Variants in HLCS observed in about 807,000 individuals in gnomAD.
The protein encoded by HLCS is biotin--protein ligase.
A neutral mutation model predicts 75.0 loss-of-function variants in HLCS; 53 were observed. That is an observed-to-expected ratio of 0.71 (90% CI 0.57 to 0.89). HLCS has a LOEUF of 0.89. Ranked by LOEUF, HLCS falls within the 40% of genes least tolerant of loss-of-function variation. The pLI, the probability that HLCS is intolerant of heterozygous loss-of-function variation, is 0.00. For missense variants in HLCS, 966 were observed against 1,074.0 expected, an observed-to-expected ratio of 0.90 and a Z score of 1.41; for synonymous variants, 431 against 428.6, an observed-to-expected ratio of 1.01 and a Z score of -0.07.
intron 5 of HLCS, among the ~76,000 whole-genome samples, chr21:36,929,925 G>A (rs2073424): frequency 0.55 from 84,115 of 152,068 alleles, 23,574 homozygotes; most frequent in East Asian, 0.64. Flanking sequence ...AGTGGCTCAA[G>A]TCAAAACAAA....
At chr21:36,947,140 A>G (rs1337624722) in intron 2 of HLCS, among the ~76,000 whole-genome samples, 1 of 152,212 alleles carries the variant, frequency 6.6e-6, no homozygotes, top group African/African-American at 2.4e-5. Context: ...ATTTAGCTGT[A>G]AAAACATTGA....
chr21:36,885,879 A>G (rs912347631), intron 6 of HLCS, among the ~76,000 whole-genome samples: 1 of 152,158 alleles, frequency 6.6e-6, no homozygotes, highest in African/African-American at 2.4e-5. Flanking sequence ...CATGACACAG[A>G]TAAGGAAATA....
intron 6 of HLCS, among the ~76,000 whole-genome samples, chr21:36,787,932 A>G (rs369133317): frequency 3.3e-5 from 5 of 152,142 alleles, no homozygotes; most frequent in African/African-American, 9.7e-5. Flanking sequence ...CAGGGCTGCC[A>G]GGGCTTTCTG....
chr21:36,981,188 T>C (rs990777527), intron 1 of HLCS, among the ~76,000 whole-genome samples: 1 of 152,128 alleles, frequency 6.6e-6, no homozygotes. Flanking sequence ...CCTGGCAAAA[T>C]AATGAAGTTG....
At chr21:36,900,398 G>C (rs762270775) in intron 5 of HLCS, among the ~76,000 whole-genome samples, 1 of 152,136 alleles carries the variant, frequency 6.6e-6, no homozygotes, top group Admixed American at 6.5e-5. Context: ...GAAAGAGCCT[G>C]ATCAGGGCAC....
At chr21:36,902,142 G>A (rs1038774818) in intron 5 of HLCS, among the ~76,000 whole-genome samples, 2 of 152,106 alleles carry the variant, frequency 1.3e-5, no homozygotes, top group African/African-American at 4.8e-5. Context: ...AAGTCAGATG[G>A]GAGTAGTGAA....
chr21:36,834,847 C>T (rs2062352665), intron 6 of HLCS, among the ~76,000 whole-genome samples: 4 of 152,244 alleles, frequency 2.6e-5, no homozygotes, highest in Admixed American at 2.6e-4. Context: ...AGCCACCACA[C>T]CTGGCCCCAG....
In HLCS at chr21:36,938,845, G is replaced by A. The variant is rs560731563; in HGVS notation, c.480C>T (p.Pro160=). The change falls in exon 3 of 11, where the codon CCC becomes CCT. Residue 160 remains proline (P), a synonymous_variant. Coordinates refer to ENST00000674895, the MANE Select transcript of HLCS (RefSeq NM_001352514.2). ...DRLHMDNGLV[P]QKIVSVHLQD... ...AAAGTTACTTACACACAATCTTTTG[G>A]GGTACCAGTCCATTATCCATGTGGA... 1 of 1,613,948 alleles carries A rather than the reference G, an allele frequency of 6.2e-7. No homozygotes were observed. Among genetic ancestry groups the A allele is most frequent in the South Asian group, 1.1e-5 (1 of 91,076 alleles).
chr21:36,889,573 AG>A (rs1344080938), intron 6 of HLCS, among the ~76,000 whole-genome samples: 1 of 152,174 alleles, frequency 6.6e-6, no homozygotes, highest in Non-Finnish European at 1.5e-5. Flanking sequence ...GAACTCTGGG[AG>A]GGGCTTTTCC....
intron 4 of HLCS, among the ~76,000 whole-genome samples, chr21:36,934,318 T>C (rs1482443443): frequency 1.3e-5 from 2 of 152,190 alleles, no homozygotes; most frequent in Non-Finnish European, 2.9e-5. Flanking sequence ...GGGATGCTAT[T>C]CCGCAGCCGA....
chr21:36,774,191 G>T (rs540632579), intron 6 of HLCS, among the ~76,000 whole-genome samples: 1 of 152,176 alleles, frequency 6.6e-6, no homozygotes, highest in African/African-American at 2.4e-5. Flanking sequence ...TGGCGGCAGG[G>T]TCCACGGCAC....
rs188653173 is a variant in HLCS, at chr21:36,902,533, C to T, written c.1621-5402G>A. 2.1e-4 allele frequency among the ~76,000 whole-genome samples: 32 copies of T among 152,356 alleles called. No individual in the cohort carries two copies. In the East Asian group the frequency reaches 5.4e-3, roughly 26 times the overall value. ...ACAGCCTGGTAACTGAAATTCGCTG[C>T]TCCCACCCTGCTCCACAGCTGCAGG... is the stretch of plus-strand genomic sequence containing the variant. On this transcript the variant is annotated intron_variant, in intron 5 of 10. Coordinates refer to ENST00000674895, the MANE Select transcript of HLCS (RefSeq NM_001352514.2).
intron 1 of HLCS, among the ~76,000 whole-genome samples, chr21:36,964,692 G>A (rs1334558031): frequency 6.6e-6 from 1 of 152,200 alleles, no homozygotes; most frequent in Non-Finnish European, 1.5e-5. Flanking sequence ...GGCCTGCACA[G>A]GTAGGCAAGG....
intron 6 of HLCS, among the ~76,000 whole-genome samples, chr21:36,788,717 T>C (rs115304645): frequency 0.017 from 2,606 of 152,290 alleles, 62 homozygotes; most frequent in African/African-American, 0.059. Context: ...ATCCTGAAGT[T>C]ATAAAAACTC....
intron 1 of HLCS, among the ~76,000 whole-genome samples, chr21:36,985,467 T>C (rs2146748616): frequency 6.6e-6 from 1 of 152,046 alleles, no homozygotes; most frequent in Middle Eastern, 3.4e-3. Context: ...ACCCCGTCTC[T>C]ACTAAAAATA....
At chr21:36,984,618 T>C (rs1005610312) in intron 1 of HLCS, among the ~76,000 whole-genome samples, 3 of 152,130 alleles carry the variant, frequency 2.0e-5, no homozygotes, top group African/African-American at 7.2e-5. Flanking sequence ...TGTGTACACA[T>C]GGACACAGAG....
chr21:36,864,997 G>C (rs2063506237), intron 6 of HLCS, among the ~76,000 whole-genome samples: 1 of 151,800 alleles, frequency 6.6e-6, no homozygotes, highest in Admixed American at 6.6e-5. Flanking sequence ...TTTGCTTTCT[G>C]ACACCAATAT....
intron 5 of HLCS, among the ~76,000 whole-genome samples, chr21:36,916,508 T>C (rs1033798728): frequency 1.3e-4 from 20 of 149,374 alleles, no homozygotes; most frequent in Non-Finnish European, 2.1e-4. Context: ...CACACCATCA[T>C]GCCTAGCTAA....
chr21:36,773,148 A>G, intron 6 of HLCS, among the ~76,000 whole-genome samples: 1 of 152,182 alleles, frequency 6.6e-6, no homozygotes, highest in African/African-American at 2.4e-5. Context: ...TAGTGCATTC[A>G]TTTTATAAAT....
Sources: gnomAD v4.1 joint callset for allele counts (sites outside exome capture counted in the v4.1 genomes callset) on GRCh38, gnomAD v4.1.1 for gene constraint, MANE v1.5 for transcripts, NCBI Gene and HGNC (gene_info 2026-07-23, HGNC 2026-07-21) for gene names.